The following CTSV variants were observed in gnomAD, a reference collection of about 807,000 sequenced individuals.
CTSV encodes cathepsin V.
CTSV carries 33 observed loss-of-function variants against 35.6 expected under a neutral mutation model. The ratio of observed to expected loss-of-function variants is 0.93; its 90% CI spans 0.70 to 1.24. The LOEUF (loss-of-function observed/expected upper bound fraction) is 1.24, where lower values mean the gene tolerates loss of function less well. CTSV is among the 50% of genes most tolerant of loss of function. The pLI is 0.00. For missense variants in CTSV, 408 were observed against 413.1 expected (o/e 0.99, Z 0.11); for synonymous variants, 154 against 147.1 (o/e 1.05, Z -0.34).
At chr9:97,035,312 A>G (rs1020910533) in intron 6 of CTSV, among the ~76,000 whole-genome samples, 9 of 152,260 alleles carry the variant, frequency 5.9e-5, no homozygotes, top group African/African-American at 2.2e-4. Flanking sequence ...AGTTTGGAAA[A>G]TTAGGTTGTC....
upstream of CTSV, chr9:97,039,284 C>T (rs1280216077): frequency 1.3e-5 from 2 of 152,242 alleles, no homozygotes; most frequent in African/African-American, 4.8e-5. Flanking sequence ...CCAGTCCCAA[C>T]CCGTCTCAGG....
In CTSV at chr9:97,035,554, T is replaced by C. The variant is rs762652245; in HGVS notation, c.761A>G (p.His254Arg). The change falls in exon 6 of 8, where the codon CAT (histidine) becomes CGT (arginine). Residue 254 changes from histidine to arginine, a missense_variant. Physicochemically the swap from His to Arg is conservative, Grantham distance 29 (BLOSUM62 0). Transcript: ENST00000259470. ...TGATTTGTAGAACTGGAAGGACGAA[T>C]GGCCTGCATCCATAGCAACGGAGAT... ...GPISVAMDAG[H>R]SSFQFYKSGI... The C allele has an allele frequency of 6.4e-6, 10 of 1,565,790 alleles. No homozygotes were observed. The African/African-American group carries it at 6.8e-5, about 11-fold the overall frequency.
chr9:97,034,907 T>C (rs1828820403), intron 6 of CTSV, 64 bp from the exon 7 acceptor site: 43 of 1,228,832 alleles, frequency 3.5e-5, no homozygotes, highest in Non-Finnish European at 4.9e-5. Flanking sequence ...TAACCCACCC[T>C]ACCACCCTCC....
intron 7 of CTSV, 54 bp from the exon 8 acceptor site, chr9:97,033,102 T>G (rs752721630): frequency 8.4e-7 from 1 of 1,192,538 alleles, no homozygotes; most frequent in Non-Finnish European, 1.2e-6. Flanking sequence ...GAAAATTGGC[T>G]CCATTAATAA....
rs534680753 is a variant in CTSV at position 97,031,920 on chromosome 9, T to G, written c.*1029A>C. 2.0e-5 allele frequency: 3 copies of G among 152,342 alleles called. No individual in the cohort carries two copies. In the South Asian group the frequency reaches 6.2e-4, roughly 32 times the overall value. 9.4% of individuals were successfully genotyped at this position (152,342 alleles called of 1,614,324 possible). ...GGAATATGTCATCAGAGACTTGGAA[T>G]GAAAACAAAATACCCTTGGTAACTT... On this transcript the variant is annotated 3_prime_UTR_variant, in exon 8 of 8. Coordinates refer to ENST00000259470, the MANE Select transcript of CTSV (RefSeq NM_001333.4).
At chr9:97,037,153 C>A in intron 4 of CTSV, 99 bp downstream of exon 4, 1 of 1,291,538 alleles carries the variant, frequency 7.7e-7, no homozygotes, top group South Asian at 1.5e-5. Flanking sequence ...ATACAAAAAA[C>A]CCATCACCAT....
At chr9:97,034,634 G>A in intron 7 of CTSV, 92 bp downstream of exon 7, 1 of 955,210 alleles carries the variant, frequency 1.0e-6, no homozygotes, top group East Asian at 2.4e-5. Flanking sequence ...GTAGAAGAAA[G>A]ACTTTCGGAA....
chr9:97,038,753 C>T (rs892662130), intron 1 of CTSV, among the ~76,000 whole-genome samples: 1 of 152,158 alleles, frequency 6.6e-6, no homozygotes, highest in Non-Finnish European at 1.5e-5. Flanking sequence ...TCTGCACGCG[C>T]CGCCGCGCCC....
chr9:97,036,846 A>AAAC, intron 4 of CTSV, 99 bp from the exon 5 acceptor site: 2 of 1,086,556 alleles, frequency 1.8e-6, no homozygotes, highest in Non-Finnish European at 2.5e-6. Flanking sequence ...AAAAAAAAAA[A>AAAC]CCCATCGCCA....
chr9:97,038,331 A>G, intron 1 of CTSV: 1 of 278,580 alleles, frequency 3.6e-6, no homozygotes, highest in Non-Finnish European at 7.0e-6. Context: ...AACAACTAGA[A>G]AACTAGGAAA....
intron 7 of CTSV, among the ~76,000 whole-genome samples, chr9:97,033,500 T>A (rs953960622): frequency 6.6e-6 from 1 of 151,510 alleles, no homozygotes; most frequent in African/African-American, 2.4e-5. Context: ...TCCCAGCTAC[T>A]TGGGAGGCTG....
At chr9:97,036,406 G>A in intron 5 of CTSV, 117 bp downstream of exon 5, 1 of 791,882 alleles carries the variant, frequency 1.3e-6, no homozygotes, top group Non-Finnish European at 2.2e-6. Flanking sequence ...CTCACGGTTT[G>A]CAGATGTAGA....
chr9:97,038,856 A>T (rs539364534), intron 1 of CTSV, among the ~76,000 whole-genome samples: 1 of 152,208 alleles, frequency 6.6e-6, no homozygotes, highest in African/African-American at 2.4e-5. Context: ...AGCCCACAGG[A>T]TGACTGACCT....
rs1373001912 is a variant in CTSV, at chr9:97,031,571, T to C, written c.*1378A>G. ...TCACCCACAAGTTTGGTGTACTTTC[T>C]TCCAGTATTTTAAATATGCAAAAAT... On this transcript the variant is annotated 3_prime_UTR_variant, in exon 8 of 8. Coordinates refer to ENST00000259470, the MANE Select transcript of CTSV (RefSeq NM_001333.4). 2 of 152,258 alleles carry C rather than the reference T, an allele frequency of 1.3e-5. No individual in the cohort carries two copies. The highest frequency in any genetic ancestry group is 4.8e-5 in the African/African-American group (2 of 41,472). 9.4% of individuals were successfully genotyped at this position (152,258 alleles called of 1,614,324 possible). A position where few individuals can be genotyped will look rare whatever the true frequency, so the allele number is the denominator to read the frequency against.
Position 97,036,662 on chromosome 9 carries a change from A to G in CTSV, c.482T>C (p.Leu161Pro). The change falls in exon 5 of 8, where the codon CTG (leucine) becomes CCG (proline). Residue 161 changes from leucine to proline, a missense_variant. Leu to Pro is a moderately conservative substitution (Grantham distance 98, BLOSUM62 -3). Coordinates refer to ENST00000259470, the MANE Select transcript of CTSV (RefSeq NM_001333.4). ...ACAGTCCACCAGATTCTGCTCGCTC[A>G]GTGAGACAAGTTTCCCAGTTTTCCG... ...MFRKTGKLVSLSEQNLVDCSR... is the reference protein window; with the variant it reads ...MFRKTGKLVSPSEQNLVDCSR... The G allele has an allele frequency of 6.2e-7, 1 of 1,614,066 alleles. No individual in the cohort carries two copies. The highest frequency in any genetic ancestry group is 1.6e-4 in the Middle Eastern group (1 of 6,062).
At position 97,030,249 on chromosome 9, in the gene CTSV, G is replaced by A. The variant is rs1828718768; in HGVS notation, c.*2700C>T. On this transcript the variant is annotated 3_prime_UTR_variant, in exon 8 of 8. Coordinates refer to ENST00000259470, the MANE Select transcript of CTSV (RefSeq NM_001333.4). ...ATACACATGAACCACACATAGGGCTGAGTGGATGTTTCCTTATTGCTAAGT... is the reference window on the plus strand; with the variant it reads ...ATACACATGAACCACACATAGGGCTAAGTGGATGTTTCCTTATTGCTAAGT... 6.6e-6 allele frequency: 1 copy of A among 152,190 alleles called. No individual in the cohort carries two copies. Among genetic ancestry groups the A allele is most frequent in the African/African-American group, 2.4e-5 (1 of 41,446 alleles). 9.4% of individuals were successfully genotyped at this position (152,190 alleles called of 1,614,324 possible).
chr9:97,036,764 A>G lies in CTSV; in HGVS notation c.397-17T>C. 6.4e-7 allele frequency: 1 copy of G among 1,567,424 alleles called. No individual in the cohort carries two copies. The highest frequency in any genetic ancestry group is 8.6e-7 in the Non-Finnish European group (1 of 1,159,222). The stretch of plus-strand genomic sequence containing the variant: ...ACACTGTTTCTAAAAAGGGAGAAAA[A>G]AAAAGCTGTAAATTTACAAGACCAA... On this transcript the variant is annotated splice_polypyrimidine_tract_variant and intron_variant, in intron 4 of 7. Coordinates refer to ENST00000259470, the MANE Select transcript of CTSV (RefSeq NM_001333.4).
Position 97,032,089 on chromosome 9 carries a change from A to G in CTSV, c.*860T>C, listed in dbSNP as rs886924492. The G allele has an allele frequency of 5.3e-5, 8 of 152,206 alleles. No individual in the cohort carries two copies. Among genetic ancestry groups the G allele is most frequent in the Admixed American group, 5.2e-4 (8 of 15,278 alleles). The allele number at this position is 152,206 out of a possible 1,614,324, so 9.4% of individuals were successfully genotyped here. Reference sequence around the variant, plus strand: ...AGGAAGAAGACATTTCCTTTTCTAAAAAGTCAACTGCTTTCTTCTTTACTA... The same window carrying G: ...AGGAAGAAGACATTTCCTTTTCTAAGAAGTCAACTGCTTTCTTCTTTACTA... On this transcript the variant is annotated 3_prime_UTR_variant, in exon 8 of 8. Transcript: ENST00000259470.
chr9:97,033,890 C>T (rs897966192), intron 7 of CTSV, among the ~76,000 whole-genome samples: 3 of 151,778 alleles, frequency 2.0e-5, no homozygotes, highest in African/African-American at 4.8e-5. Flanking sequence ...GAGGTCAGTT[C>T]GACAGCAGCC....
Sources: gnomAD v4.1 joint callset for allele counts (sites outside exome capture counted in the v4.1 genomes callset) on GRCh38, gnomAD v4.1.1 for gene constraint, MANE v1.5 for transcripts, NCBI Gene and HGNC (gene_info 2026-07-23, HGNC 2026-07-21) for gene names.